The following SLX4 variants were observed in gnomAD, a reference collection of about 807,000 sequenced individuals.
The protein encoded by SLX4 is SLX4 structure-specific endonuclease subunit.
In SLX4, 112 loss-of-function variants were observed where a neutral mutation model predicts 146.2. The ratio of observed to expected loss-of-function variants is 0.77; its 90% CI spans 0.66 to 0.90. The LOEUF (loss-of-function observed/expected upper bound fraction) is 0.90. SLX4 is among the 40% of genes least tolerant of loss of function. The pLI, the probability that SLX4 is intolerant of heterozygous loss-of-function variation, is 0.00. For missense variants in SLX4, 2,563 were observed against 2,392.7 expected, an observed-to-expected ratio of 1.07 and a Z score of -1.49; for synonymous variants, 1,061 against 997.7, an observed-to-expected ratio of 1.06 and a Z score of -1.20.
intron 4 of SLX4, chr16:3,601,501 T>C (rs901762760): frequency 9.4e-6 from 4 of 424,840 alleles, no homozygotes; most frequent in Non-Finnish European, 1.8e-5. Flanking sequence ...ATGAAACCCA[T>C]GTTCACGGCA....
At position 3,581,741 on chromosome 16, in the gene SLX4, G is replaced by A. The variant is rs1015905058; in HGVS notation, c.*601C>T. ...CCCTGGGACAGCTGAGGGCCCTCTT[G>A]GGTTAAGGGAGACACACTGGGCCGG... On this transcript the variant is annotated 3_prime_UTR_variant, in exon 15 of 15. Coordinates refer to ENST00000294008, the MANE Select transcript of SLX4 (RefSeq NM_032444.4). 6.3e-6 allele frequency: 1 copy of A among 159,058 alleles called. No homozygotes were observed. The highest frequency in any genetic ancestry group is 1.4e-5 in the Non-Finnish European group (1 of 72,096). 9.9% of individuals were successfully genotyped at this position (159,058 alleles called of 1,614,324 possible).
chr16:3,601,076 A>G lies in SLX4; in HGVS notation c.1066T>C (p.Cys356Arg). Residue 356 changes from cysteine (C) to arginine (R), a missense_variant, in exon 5 of 15, where the codon TGT becomes CGT. Cys to Arg is a radical substitution (Grantham distance 180). Transcript: ENST00000294008. The stretch of plus-strand genomic sequence containing the variant: ...GGGCCAACCTCCATCTTCACAGCAC[A>G]CTGCTTCAAGTGACTGGTTCTGCTC... ...LKSRTSHLKQCAVKMEVGPQL... is the reference protein window; with the variant it reads ...LKSRTSHLKQRAVKMEVGPQL... 3.7e-6 allele frequency: 6 copies of G among 1,614,104 alleles called. No individual in the cohort carries two copies. The highest frequency in any genetic ancestry group is 5.1e-6 in the Non-Finnish European group (6 of 1,180,034).
At chr16:3,585,397 T>C (rs1242683968) in intron 12 of SLX4, among the ~76,000 whole-genome samples, 2 of 152,036 alleles carry the variant, frequency 1.3e-5, no homozygotes, top group East Asian at 1.9e-4. Context: ...CCATCCTGGC[T>C]AACACGGTGA....
Position 3,589,864 on chromosome 16 carries a change from G to A in SLX4, c.3774C>T (p.Pro1258=), listed in dbSNP as rs146054214. 302 of 1,613,332 alleles carry A rather than the reference G, an allele frequency of 1.9e-4. No homozygotes were observed. In the African/African-American group the frequency reaches 2.4e-3, roughly 13 times the overall value. The change falls in exon 12 of 15, where the codon CCC becomes CCT. Residue 1258 remains proline (P), a synonymous_variant. Transcript: ENST00000294008. This position sits in a 1 kb window ranked among gnomAD's most constrained non-coding sequence, Gnocchi z 6.2. ...GGCTTCTGCTGGCCAGCGGGGTGGC[G>A]GGCACCAGCCACGAGGTGTCTGTGG... ...ASTTDTSWLV[P]ATPLASRSRD... is the part of the protein sequence containing the mutation.
intron 2 of SLX4, among the ~76,000 whole-genome samples, chr16:3,607,246 C>A (rs1167440232): frequency 6.6e-6 from 1 of 152,034 alleles, no homozygotes; most frequent in South Asian, 2.1e-4. Context: ...AGATTTCATC[C>A]GACTGGCAAA....
At chr16:3,601,441 C>T in intron 4 of SLX4, 1 of 533,346 alleles carries the variant, frequency 1.9e-6, no homozygotes, top group East Asian at 3.4e-5. Flanking sequence ...AGAAATTCCA[C>T]TCCTAAGTAG....
chr16:3,600,928 G>C (rs756997129), intron 5 of SLX4, 51 bp downstream of exon 5: 5 of 1,595,402 alleles, frequency 3.1e-6, no homozygotes, highest in Non-Finnish European at 4.3e-6. Flanking sequence ...AAAAAGCCCT[G>C]AGTGCACACA....
intron 3 of SLX4, among the ~76,000 whole-genome samples, chr16:3,604,275 C>G (rs1023800719): frequency 7.3e-5 from 11 of 150,042 alleles, no homozygotes; most frequent in African/African-American, 2.5e-4. Context: ...GGGGACTATT[C>G]TAGAATCTAG....
chr16:3,589,023 GCTT>G lies in SLX4; in HGVS notation c.4612_4614del (p.Lys1538del). 6.2e-7 allele frequency: 1 copy of G among 1,614,088 alleles called. No individual in the cohort carries two copies. Among genetic ancestry groups the G allele is most frequent in the Non-Finnish European group, 8.5e-7 (1 of 1,180,044 alleles). On this transcript the variant is annotated inframe_deletion, in exon 12 of 15. Transcript: ENST00000294008. The surrounding 1 kb of genome is among the most constrained non-coding windows in gnomAD (Gnocchi z 6.2). ...TCACTGGGTGTCTCTAACCCTTCGG[GCTT>G]CTGAGCTCCACCAGCGCTTGGCATC... is the stretch of plus-strand genomic sequence containing the variant.
chr16:3,585,855 C>T (rs2040502960), intron 12 of SLX4, among the ~76,000 whole-genome samples: 1 of 150,286 alleles, frequency 6.7e-6, no homozygotes, highest in Non-Finnish European at 1.5e-5. Flanking sequence ...TGGCCCAAGT[C>T]ACCAATGTGG....
chr16:3,582,967 C>G (rs1732542485), intron 14 of SLX4, 130 bp downstream of exon 14: 1 of 1,265,462 alleles, frequency 7.9e-7, no homozygotes. Context: ...CCTGGTTTTC[C>G]CACAGGTCAA....
chr16:3,588,909 G>A, intron 12 of SLX4, 93 bp downstream of exon 12: 2 of 1,520,032 alleles, frequency 1.3e-6, no homozygotes, highest in Non-Finnish European at 1.8e-6. Flanking sequence ...CATTCAGAGG[G>A]CAGCCCCTGG....
At position 3,588,993 on chromosome 16, in the gene SLX4, G is replaced by C. The variant is rs2151120745; in HGVS notation, c.4636+9C>G. 1 of 1,613,896 alleles carries C rather than the reference G, an allele frequency of 6.2e-7. No homozygotes were observed. Among genetic ancestry groups the C allele is most frequent in the South Asian group, 1.1e-5 (1 of 91,082 alleles). ...ACAGTCCCCTTCCCCAGCTCTCCTG[G>C]CTACTCACTGGGTGTCTCTAACCCT... On this transcript the variant is annotated intron_variant, in intron 12 of 14. Transcript: ENST00000294008.
At chr16:3,603,277 AGGTGATCTGCCCG>A (rs2040747896) in intron 3 of SLX4, among the ~76,000 whole-genome samples, 1 of 152,246 alleles carries the variant, frequency 6.6e-6, no homozygotes, top group African/African-American at 2.4e-5. Context: ...TCCTGACCTC[AGGTGATCTGCCCG>A]CCTTGGCCTC....
intron 12 of SLX4, 38 bp from the exon 13 acceptor site, chr16:3,584,909 G>T: frequency 7.1e-7 from 1 of 1,412,282 alleles, no homozygotes; most frequent in South Asian, 1.1e-5. Context: ...TTAGCATGAG[G>T]GACACGGATT....
At chr16:3,606,430 ATTAAC>A (rs1286571431) in intron 3 of SLX4, 39 bp downstream of exon 3, 1 of 1,598,192 alleles carries the variant, frequency 6.3e-7, no homozygotes, top group Non-Finnish European at 8.6e-7. Flanking sequence ...TCAGAGTTGT[ATTAAC>A]TTATCTCTGT....
intron 3 of SLX4, among the ~76,000 whole-genome samples, chr16:3,603,506 T>C (rs1001100797): frequency 3.9e-5 from 6 of 152,214 alleles, no homozygotes; most frequent in Admixed American, 3.9e-4. Flanking sequence ...GACTGATGCC[T>C]CGGCAGGACA....
chr16:3,596,519 A>G (rs1036509245), intron 7 of SLX4, 126 bp from the exon 8 acceptor site: 23 of 1,207,042 alleles, frequency 1.9e-5, no homozygotes, highest in Non-Finnish European at 2.3e-5. Flanking sequence ...GGCTGTGGGG[A>G]CAGACTGTCC....
chr16:3,586,569 G>T (rs1478419053), intron 12 of SLX4, among the ~76,000 whole-genome samples: 1 of 152,146 alleles, frequency 6.6e-6, no homozygotes, highest in Non-Finnish European at 1.5e-5. Flanking sequence ...CCAGCACTGT[G>T]GGAGACCAAA....
Sources: gnomAD v4.1 joint callset for allele counts (sites outside exome capture counted in the v4.1 genomes callset) on GRCh38, gnomAD v4.1.1 for gene constraint, Gnocchi (gnomAD v3.1) non-coding constraint, MANE v1.5 for transcripts, NCBI Gene and HGNC (gene_info 2026-07-23, HGNC 2026-07-21) for gene names.